SCAPER: variants seen among roughly 807,000 people sequenced by gnomAD.
The protein encoded by SCAPER is S phase cyclin A-associated protein in the endoplasmic reticulum.
In SCAPER, 98 loss-of-function variants were observed where a neutral mutation model predicts 182.2. The ratio of observed to expected loss-of-function variants is 0.54; its 90% CI spans 0.46 to 0.64. The LOEUF (loss-of-function observed/expected upper bound fraction) is 0.64, where lower values mean the gene tolerates loss of function less well. Ranked by LOEUF, SCAPER falls within the 30% of genes least tolerant of loss-of-function variation. The pLI, the probability that SCAPER is intolerant of heterozygous loss-of-function variation, is 0.00. For synonymous variants in SCAPER, 605 were observed against 564.6 expected, an observed-to-expected ratio of 1.07 and a Z score of -1.01; for missense variants, 1,432 against 1,690.0, an observed-to-expected ratio of 0.85 and a Z score of 2.68.
intron 22 of SCAPER, among the ~76,000 whole-genome samples, chr15:76,609,145 C>T (rs1455839640): frequency 6.6e-6 from 1 of 152,110 alleles, no homozygotes; most frequent in African/African-American, 2.4e-5. Context: ...TGGAGCTGTT[C>T]CTATTCGGCC....
At chr15:76,640,668 G>T (rs2054027247) in intron 21 of SCAPER, among the ~76,000 whole-genome samples, 1 of 152,194 alleles carries the variant, frequency 6.6e-6, no homozygotes, top group African/African-American at 2.4e-5. Context: ...CGTGATCAGT[G>T]CCAAGCTATG....
At chr15:76,473,274 T>A (rs12915248) in intron 24 of SCAPER, among the ~76,000 whole-genome samples, 67,509 of 152,102 alleles carry the variant, frequency 0.44, 17,058 homozygotes, top group Middle Eastern at 0.59. Flanking sequence ...AGTTTGAAAG[T>A]TGTTGTACAC....
At position 76,693,666 on chromosome 15, in the gene SCAPER, C is replaced by T. The variant is rs569967643; in HGVS notation, c.2508+8092G>A. Among the ~76,000 whole-genome samples, 17 of 152,044 alleles carry T rather than the reference C, an allele frequency of 1.1e-4. 1 individual carries two copies. The Middle Eastern group carries it at 0.02, about 183-fold the overall frequency. Reference sequence around the variant, plus strand: ...TTAAATATAATGGAATATTATTCAGCCCTTTAAAAAAAGAAATTCTGATAT... The same window carrying T: ...TTAAATATAATGGAATATTATTCAGTCCTTTAAAAAAAGAAATTCTGATAT... On this transcript the variant is annotated intron_variant, in intron 20 of 31. Transcript: ENST00000563290.
intron 23 of SCAPER, among the ~76,000 whole-genome samples, chr15:76,537,256 C>T (rs2044259238): frequency 1.3e-5 from 2 of 150,390 alleles, no homozygotes; most frequent in African/African-American, 4.9e-5. Flanking sequence ...GCCCGCATCG[C>T]CAAGGCAATC....
chr15:76,619,135 G>A (rs1319803632), intron 22 of SCAPER, among the ~76,000 whole-genome samples: 2 of 152,066 alleles, frequency 1.3e-5, no homozygotes, highest in African/African-American at 4.8e-5. Flanking sequence ...GTGAGCTACC[G>A]CACCCAGCCG....
At chr15:76,370,166 C>T (rs537364984) in intron 29 of SCAPER, among the ~76,000 whole-genome samples, 19 of 151,610 alleles carry the variant, frequency 1.3e-4, no homozygotes, top group African/African-American at 4.6e-4. Context: ...CTCTGTGGTT[C>T]TAGTTTCAGC....
intron 15 of SCAPER, among the ~76,000 whole-genome samples, chr15:76,738,929 A>G (rs1262906380): frequency 3.9e-5 from 6 of 152,228 alleles, no homozygotes; most frequent in African/African-American, 1.2e-4. Context: ...TGACACAAAC[A>G]TTCAATTTTT....
chr15:76,803,267 G>T (rs1394401737), intron 6 of SCAPER, among the ~76,000 whole-genome samples: 1 of 152,122 alleles, frequency 6.6e-6, no homozygotes, highest in Non-Finnish European at 1.5e-5. Flanking sequence ...TCACTTCAAA[G>T]ATATCACACA....
chr15:76,824,710 T>G (rs2067848828), intron 5 of SCAPER, among the ~76,000 whole-genome samples: 2 of 143,060 alleles, frequency 1.4e-5, no homozygotes, highest in Admixed American at 7.1e-5. Flanking sequence ...ATCTTCAGTT[T>G]TCAATCACTC....
intron 18 of SCAPER, among the ~76,000 whole-genome samples, chr15:76,704,436 T>C (rs1001022558): frequency 6.6e-6 from 1 of 152,230 alleles, no homozygotes; most frequent in Admixed American, 6.5e-5. Flanking sequence ...GGTTTTCTTC[T>C]AGGGTTTTTA....
intron 23 of SCAPER, among the ~76,000 whole-genome samples, chr15:76,534,596 T>C (rs2043970939): frequency 1.3e-5 from 2 of 152,220 alleles, no homozygotes; most frequent in Admixed American, 1.3e-4. Flanking sequence ...GGAATAAAAT[T>C]TGTAATTATA....
chr15:76,682,271 C>A (rs750703046), intron 20 of SCAPER, among the ~76,000 whole-genome samples: 5 of 142,810 alleles, frequency 3.5e-5, no homozygotes, highest in African/African-American at 7.7e-5. Context: ...CCTTCCCCCC[C>A]CCACCCCACA....
At chr15:76,448,521 G>C (rs2048159654) in intron 25 of SCAPER, among the ~76,000 whole-genome samples, 1 of 152,060 alleles carries the variant, frequency 6.6e-6, no homozygotes, top group Non-Finnish European at 1.5e-5. Context: ...TGCTGACTTG[G>C]GACCATCGGT....
chr15:76,890,155 C>A (rs1481053941), intron 1 of SCAPER, among the ~76,000 whole-genome samples: 1 of 152,130 alleles, frequency 6.6e-6, no homozygotes, highest in Non-Finnish European at 1.5e-5. Flanking sequence ...ATCTCTAGGA[C>A]ACATTTAACA....
Position 76,801,965 on chromosome 15 carries a change from G to A in SCAPER, c.495-1601C>T, listed in dbSNP as rs565299792. Among the ~76,000 whole-genome samples the A allele has an allele frequency of 2.0e-5, 3 of 151,626 alleles. No homozygotes were observed. The South Asian group carries it at 6.3e-4, about 32-fold the overall frequency. On this transcript the variant is annotated intron_variant, in intron 6 of 31. Coordinates refer to ENST00000563290, the MANE Select transcript of SCAPER (RefSeq NM_020843.4). ...ATATTTTTGAACCACAGTGCCAAGA[G>A]AGGAATGGTAACCACTCTGTTAAGC...
At chr15:76,612,215 A>AGCTGCT (rs561901826) in intron 22 of SCAPER, among the ~76,000 whole-genome samples, 2 of 151,962 alleles carry the variant, frequency 1.3e-5, no homozygotes, top group African/African-American at 2.4e-5. Context: ...CAGCCCAAAA[A>AGCTGCT]GCTGCTGCTG....
At chr15:76,702,085 C>T (rs1297448311) in intron 19 of SCAPER, among the ~76,000 whole-genome samples, 1 of 151,986 alleles carries the variant, frequency 6.6e-6, no homozygotes, top group Non-Finnish European at 1.5e-5. Context: ...ATCGCCGGAA[C>T]CTGGGAGGCG....
At chr15:76,445,351 T>C (rs1480929344) in intron 25 of SCAPER, among the ~76,000 whole-genome samples, 2 of 152,262 alleles carry the variant, frequency 1.3e-5, no homozygotes, top group Non-Finnish European at 2.9e-5. Context: ...TCTTTTCTCA[T>C]TCAGGTTGAG....
At chr15:76,850,859 CAAAAAAAAAA>C (rs59202490) in intron 4 of SCAPER, among the ~76,000 whole-genome samples, 3 of 90,052 alleles carry the variant, frequency 3.3e-5, no homozygotes, top group Admixed American at 2.6e-4. Context: ...GACTCTGTCT[CAAAAAAAAAA>C]AAAAAAAAGA....
Sources: gnomAD v4.1 joint callset for allele counts (sites outside exome capture counted in the v4.1 genomes callset) on GRCh38, gnomAD v4.1.1 for gene constraint, MANE v1.5 for transcripts, NCBI Gene and HGNC (gene_info 2026-07-23, HGNC 2026-07-21) for gene names.